Variants in SIAE observed in about 807,000 individuals in gnomAD.
The protein encoded by SIAE is sialate O-acetylesterase.
A neutral mutation model predicts 52.6 loss-of-function variants in SIAE; 39 were observed. That is an observed-to-expected ratio of 0.74 (90% CI 0.57 to 0.97). The LOEUF (loss-of-function observed/expected upper bound fraction) is 0.97, where lower values mean the gene tolerates loss of function less well. Ranked by LOEUF, SIAE falls within the 50% of genes least tolerant of loss-of-function variation. The probability of loss-of-function intolerance (pLI) is 0.00; values close to 1 mark genes in which losing one functional copy is unlikely to be tolerated. For missense variants in SIAE, 592 were observed against 662.1 expected (o/e 0.89, Z 1.16); for synonymous variants, 233 against 241.4 (o/e 0.97, Z 0.32).
intron 4 of SIAE, among the ~76,000 whole-genome samples, chr11:124,653,827 C>T (rs1235738412): frequency 2.6e-5 from 4 of 152,162 alleles, no homozygotes; most frequent in Admixed American, 2.0e-4. Context: ...ACTGTGTGTC[C>T]GTTTGGTCAC....
At position 124,645,083 on chromosome 11, in the gene SIAE, A is replaced by G. The variant is rs192945365; in HGVS notation, c.966+2282T>C. ...TATCGTGTTCGAAATCACGTGGCTC[A>G]GGAGGTGTCACAGCTAGCATCTGAA... On this transcript the variant is annotated intron_variant, in intron 7 of 9. Transcript: ENST00000263593. The surrounding 1 kb of genome is among the most constrained non-coding windows in gnomAD (Gnocchi z 4.7). Among the ~76,000 whole-genome samples, 12 of 152,338 alleles carry G rather than the reference A, an allele frequency of 7.9e-5. No individual in the cohort carries two copies. The East Asian group carries it at 2.3e-3, about 29-fold the overall frequency.
In SIAE at chr11:124,634,596, A is replaced by G. The variant is rs1382835113; in HGVS notation, c.*2355T>C. On this transcript the variant is annotated 3_prime_UTR_variant, in exon 10 of 10. Coordinates refer to ENST00000263593, the MANE Select transcript of SIAE (RefSeq NM_170601.5). ...TAAGAAATAACTGGACGAGTGTGGT[A>G]TGATGTTTGCATGTGATATTCATTA... The G allele has an allele frequency of 6.6e-6, 1 of 152,162 alleles. No individual in the cohort carries two copies. The highest frequency in any genetic ancestry group is 1.5e-5 in the Non-Finnish European group (1 of 68,030). The allele number at this position is 152,162 out of a possible 1,614,324, so 9.4% of individuals were successfully genotyped here.
chr11:124,648,172 G>A lies in SIAE; in HGVS notation c.726C>T (p.Ser242=). 6.2e-7 allele frequency: 1 copy of A among 1,612,268 alleles called. No individual in the cohort carries two copies. Among genetic ancestry groups the A allele is most frequent in the Non-Finnish European group, 8.5e-7 (1 of 1,178,414 alleles). Residue 242 remains serine (S), a synonymous_variant, in exon 6 of 10, where the codon TCC becomes TCT. Coordinates refer to ENST00000263593, the MANE Select transcript of SIAE (RefSeq NM_170601.5). The part of the protein sequence containing the change: ...LKACGVPKQG[S]IPYDSVTGPS... ...GACCAGTTACAGAATCGTATGGAAT[G>A]GACCTGAAATCATATGATGCACAAG...
intron 7 of SIAE, among the ~76,000 whole-genome samples, chr11:124,640,569 C>T (rs1014824235): frequency 3.3e-5 from 5 of 152,166 alleles, no homozygotes; most frequent in Non-Finnish European, 7.3e-5. Context: ...GTATACAACA[C>T]AGGGCTAGGC....
At chr11:124,666,112 A>C (rs546953380) in intron 2 of SIAE, among the ~76,000 whole-genome samples, 1 of 152,320 alleles carries the variant, frequency 6.6e-6, no homozygotes, top group South Asian at 2.1e-4. Context: ...CCAGTACCTG[A>C]CCATGGTGCC....
chr11:124,653,904 T>C lies in SIAE; in HGVS notation c.544+751A>G, dbSNP rs1943054691. The stretch of plus-strand genomic sequence containing the variant: ...AGTCATGAAATGGAGAGTGGCCGGG[T>C]GCAGTGGCTCACGCCTGTAATCCCA... On this transcript the variant is annotated intron_variant, in intron 4 of 9. Coordinates refer to ENST00000263593, the MANE Select transcript of SIAE (RefSeq NM_170601.5). Among the ~76,000 whole-genome samples, 3 of 152,096 alleles carry C rather than the reference T, an allele frequency of 2.0e-5. 1 individual carries two copies. The highest frequency in any genetic ancestry group is 2.0e-4 in the Admixed American group (3 of 15,270).
intron 7 of SIAE, among the ~76,000 whole-genome samples, chr11:124,646,637 A>C (rs1418244078): frequency 1.3e-5 from 2 of 152,222 alleles, no homozygotes; most frequent in Non-Finnish European, 2.9e-5. Context: ...AAATTTATAC[A>C]AATTCATGAA....
At chr11:124,653,795 A>G (rs1237070250) in intron 4 of SIAE, among the ~76,000 whole-genome samples, 1 of 152,220 alleles carries the variant, frequency 6.6e-6, no homozygotes, top group Non-Finnish European at 1.5e-5. Flanking sequence ...AATAGAAGAA[A>G]GGCTAAGCTC....
At position 124,668,297 on chromosome 11, in the gene SIAE, C is replaced by T. The variant is rs562553242; in HGVS notation, c.229+1063G>A. On this transcript the variant is annotated intron_variant, in intron 2 of 9. Transcript: ENST00000263593. The stretch of plus-strand genomic sequence containing the variant: ...GCCTCAGACTACGTAATTATCCCTA[C>T]TCTCTACAAAGCACTCCCATCGCAC... Among the ~76,000 whole-genome samples, 35 of 152,326 alleles carry T rather than the reference C, an allele frequency of 2.3e-4. 1 individual carries two copies. In the South Asian group the frequency reaches 7.2e-3, roughly 32 times the overall value.
intron 2 of SIAE, among the ~76,000 whole-genome samples, chr11:124,669,102 G>T (rs993388114): frequency 6.6e-6 from 1 of 152,088 alleles, no homozygotes; most frequent in African/African-American, 2.4e-5. Flanking sequence ...CATTCATCAC[G>T]CTGTCCTATA....
chr11:124,660,931 A>G, intron 2 of SIAE, 128 bp from the exon 3 acceptor site: 1 of 1,012,534 alleles, frequency 9.9e-7, no homozygotes, highest in South Asian at 1.3e-5. Context: ...AAGATTGGCC[A>G]AATTTCAGAT....
chr11:124,636,926 C>A lies in SIAE; in HGVS notation c.*25G>T. The A allele has an allele frequency of 6.2e-7, 1 of 1,614,118 alleles. No individual in the cohort carries two copies. The highest frequency in any genetic ancestry group is 8.5e-7 in the Non-Finnish European group (1 of 1,180,042). On this transcript the variant is annotated 3_prime_UTR_variant, in exon 10 of 10. Coordinates refer to ENST00000263593, the MANE Select transcript of SIAE (RefSeq NM_170601.5). ...AAATCTGAAGGACCCATCCTTATATCTAAGTTCTGATCATACTGAAACAGT... is the reference window on the plus strand; with the variant it reads ...AAATCTGAAGGACCCATCCTTATATATAAGTTCTGATCATACTGAAACAGT...
chr11:124,664,876 TC>T (rs35116025), intron 2 of SIAE, among the ~76,000 whole-genome samples: 2 of 126,302 alleles, frequency 1.6e-5, no homozygotes, highest in Non-Finnish European at 3.3e-5. Context: ...CCTGTTCACT[TC>T]CCCCCCACCC....
At chr11:124,664,086 GCTA>G (rs1195714251) in intron 2 of SIAE, among the ~76,000 whole-genome samples, 3 of 152,058 alleles carry the variant, frequency 2.0e-5, no homozygotes, top group African/African-American at 7.2e-5. Context: ...TCATTATACA[GCTA>G]CTTAGAGTGC....
intron 1 of SIAE, among the ~76,000 whole-genome samples, chr11:124,671,471 T>C (rs1943354593): frequency 6.6e-6 from 1 of 152,116 alleles, no homozygotes; most frequent in Non-Finnish European, 1.5e-5. Context: ...ACCACAAACA[T>C]TAATGTTCTT....
At chr11:124,648,641 A>C (rs952901258) in intron 5 of SIAE, among the ~76,000 whole-genome samples, 1 of 152,216 alleles carries the variant, frequency 6.6e-6, no homozygotes, top group African/African-American at 2.4e-5. Context: ...AAATTCCCAG[A>C]AATGAAACTG....
intron 2 of SIAE, among the ~76,000 whole-genome samples, chr11:124,668,949 T>TAAGAA (rs1943310710): frequency 6.6e-6 from 1 of 152,174 alleles, no homozygotes; most frequent in African/African-American, 2.4e-5. Context: ...CCAGAGTTCT[T>TAAGAA]ACCCTCTCCT....
chr11:124,647,494 C>T lies in SIAE; in HGVS notation c.837G>A (p.Glu279=). The T allele has an allele frequency of 2.5e-6, 4 of 1,614,116 alleles. No individual in the cohort carries two copies. The highest frequency in any genetic ancestry group is 1.7e-6 in the Non-Finnish European group (2 of 1,180,028). ...TLKGVVWYQG[E]SNINYNTDLY... ...GATCCGTGTTATAATTTATATTGGA[C>T]TCCCCTAAAAACAGTCCAAATTGTA... The change falls in exon 7 of 10, where the codon GAG becomes GAA. Residue 279 remains glutamate, a synonymous_variant. Coordinates refer to ENST00000263593, the MANE Select transcript of SIAE (RefSeq NM_170601.5).
rs1319027514 is a variant in SIAE at position 124,639,842 on chromosome 11, CTCT to C, written c.989_991del (p.Lys330del). 1.2e-6 allele frequency: 2 copies of C among 1,614,098 alleles called. No individual in the cohort carries two copies. The highest frequency in any genetic ancestry group is 2.7e-5 in the African/African-American group (2 of 74,944). The stretch of plus-strand genomic sequence containing the variant: ...GATCTGGGGAAATCCATCGTCTGAG[CTCT>C]TCTTAGACAAATCTGAAGATAACTA... On this transcript the variant is annotated inframe_deletion, in exon 8 of 10. Transcript: ENST00000263593.
Sources: allele counts gnomAD v4.1 joint callset (sites outside exome capture counted in the v4.1 genomes callset), GRCh38; gene constraint gnomAD v4.1.1; non-coding constraint Gnocchi (gnomAD v3.1); transcripts MANE v1.5; gene names NCBI Gene and HGNC (gene_info 2026-07-23, HGNC 2026-07-21).